C8orf76: variants seen among roughly 807,000 people sequenced by gnomAD.
The protein encoded by C8orf76 is uncharacterized protein C8orf76.
C8orf76 carries 46 observed loss-of-function variants against 38.1 expected under a neutral mutation model. That is an observed-to-expected ratio of 1.21 (90% CI 0.95 to 1.54). The LOEUF is 1.54. Ranked by LOEUF, C8orf76 falls within the 40% of genes most tolerant of loss-of-function variation. The pLI is 0.00. For missense variants in C8orf76, 461 were observed against 441.6 expected (o/e 1.04, Z -0.39); for synonymous variants, 166 against 167.5 (o/e 0.99, Z 0.07).
intron 5 of C8orf76, 97 bp downstream of exon 5, chr8:123,226,403 T>C: frequency 1.3e-6 from 2 of 1,544,646 alleles, no homozygotes; most frequent in South Asian, 1.2e-5. Flanking sequence ...AGTCCTTCAG[T>C]AGATTAAATT....
chr8:123,228,644 A>AACAC (rs377766243), intron 4 of C8orf76, among the ~76,000 whole-genome samples: 2 of 150,762 alleles, frequency 1.3e-5, no homozygotes, highest in African/African-American at 2.4e-5. Context: ...CAAAACCCAA[A>AACAC]ACACACACAC....
Position 123,220,128 on chromosome 8 carries a change from T to C in C8orf76, c.1118A>G (p.His373Arg). The C allele has an allele frequency of 4.3e-6, 7 of 1,611,768 alleles. No individual in the cohort carries two copies. Among genetic ancestry groups the C allele is most frequent in the Non-Finnish European group, 5.9e-6 (7 of 1,179,306 alleles). The change falls in exon 6 of 6, where the codon CAT becomes CGT. Residue 373 changes from histidine (H) to arginine (R), a missense_variant. Coordinates refer to ENST00000276704, the MANE Select transcript of C8orf76 (RefSeq NM_032847.3). ...DHFCPFENQFHTEIQILA is the reference protein window; with the variant it reads ...DHFCPFENQFRTEIQILA The stretch of plus-strand genomic sequence containing the variant: ...CTAAGCCAAGATTTGTATCTCTGTA[T>C]GGAACTGATTTTCAAATGGACAGAA...
At chr8:123,231,119 A>G (rs192594808) in intron 4 of C8orf76, among the ~76,000 whole-genome samples, 181 bp downstream of exon 4, 73 of 152,344 alleles carry the variant, frequency 4.8e-4, no homozygotes, top group Admixed American at 9.2e-4. Context: ...ATTCTTAAAC[A>G]AATGTAGTTT....
intron 3 of C8orf76, among the ~76,000 whole-genome samples, chr8:123,232,110 C>T (rs1825291861): frequency 6.6e-6 from 1 of 152,182 alleles, no homozygotes. Context: ...ATCTGAAAGA[C>T]CCAGCCACTT....
chr8:123,234,684 G>A (rs1286422492), intron 3 of C8orf76, among the ~76,000 whole-genome samples: 5 of 152,100 alleles, frequency 3.3e-5, no homozygotes, highest in African/African-American at 7.2e-5. Context: ...CAGGTGAATC[G>A]CTTGAACCCA....
At chr8:123,233,635 A>C (rs1825355381) in intron 3 of C8orf76, among the ~76,000 whole-genome samples, 1 of 151,176 alleles carries the variant, frequency 6.6e-6, no homozygotes, top group Non-Finnish European at 1.5e-5. Context: ...ACCTTCGCCC[A>C]CCTCGGCCTC....
intron 3 of C8orf76, chr8:123,236,895 T>A (rs1001692984): frequency 9.7e-7 from 1 of 1,026,248 alleles, no homozygotes; most frequent in Non-Finnish European, 1.5e-6. Flanking sequence ...ACCATCACCC[T>A]TGAGATCGAG....
At position 123,220,170 on chromosome 8, in the gene C8orf76, C is replaced by T; in HGVS notation, c.1076G>A (p.Arg359Lys). Residue 359 changes from arginine to lysine, a missense_variant, in exon 6 of 6, where the codon AGA becomes AAA. By Grantham distance (26) the Arg-to-Lys change is conservative. Coordinates refer to ENST00000276704, the MANE Select transcript of C8orf76 (RefSeq NM_032847.3). ...TGGACAGAAATGGTCTTTGATCTTT[C>T]TGAACCACTTGTCTTCAAATTCTTC... Reference protein sequence around the residue: ...SSEEFEDKWFRKIKDHFCPFE... With the variant: ...SSEEFEDKWFKKIKDHFCPFE... The T allele has an allele frequency of 6.2e-7, 1 of 1,614,048 alleles. No homozygotes were observed. The highest frequency in any genetic ancestry group is 8.5e-7 in the Non-Finnish European group (1 of 1,179,972).
At chr8:123,234,709 C>T (rs1255136008) in intron 3 of C8orf76, among the ~76,000 whole-genome samples, 2 of 152,042 alleles carry the variant, frequency 1.3e-5, no homozygotes, top group Non-Finnish European at 2.9e-5. Context: ...GCGGAGGTTG[C>T]AGTGAGCCAA....
intron 5 of C8orf76, among the ~76,000 whole-genome samples, chr8:123,225,785 C>A (rs142905514): frequency 6.6e-6 from 1 of 151,962 alleles, no homozygotes; most frequent in South Asian, 2.1e-4. Context: ...ATTAGCAGGG[C>A]GTGGTGGCAC....
chr8:123,230,481 A>G (rs1246584076), intron 4 of C8orf76, among the ~76,000 whole-genome samples: 1 of 152,172 alleles, frequency 6.6e-6, no homozygotes, highest in Admixed American at 6.5e-5. Flanking sequence ...TTGGACAATG[A>G]CACAGGTTAT....
At chr8:123,222,276 G>A (rs568848447) in intron 5 of C8orf76, among the ~76,000 whole-genome samples, 19 of 152,330 alleles carry the variant, frequency 1.2e-4, no homozygotes, top group Non-Finnish European at 1.9e-4. Context: ...GCGCCACCGC[G>A]CCCGGCAGGC....
chr8:123,231,842 A>G, intron 3 of C8orf76, 85 bp from the exon 4 acceptor site: 1 of 1,373,492 alleles, frequency 7.3e-7, no homozygotes, highest in Non-Finnish European at 9.7e-7. Flanking sequence ...ACCAAGTTGT[A>G]TATGTTATAA....
Position 123,224,245 on chromosome 8 carries a change from G to A in C8orf76, c.948+2255C>T, listed in dbSNP as rs1025339081. Among the ~76,000 whole-genome samples the A allele has an allele frequency of 4.2e-4, 64 of 151,514 alleles. 1 individual carries two copies. The highest frequency in any genetic ancestry group is 8.2e-4 in the Non-Finnish European group (56 of 67,884). On this transcript the variant is annotated intron_variant, in intron 5 of 5. Coordinates refer to ENST00000276704, the MANE Select transcript of C8orf76 (RefSeq NM_032847.3). ...ATTCAAATAAAAGAATTACAAACAG[G>A]AAAAAAAAGCATGTGATCATAGAAT...
intron 4 of C8orf76, among the ~76,000 whole-genome samples, chr8:123,228,806 G>A (rs1825136425): frequency 1.3e-5 from 2 of 152,192 alleles, no homozygotes; most frequent in South Asian, 4.1e-4. Context: ...TTTACCAAAT[G>A]CCTACTACAT....
At chr8:123,241,144 G>C in intron 1 of C8orf76, 86 bp downstream of exon 1, 1 of 1,357,918 alleles carries the variant, frequency 7.4e-7, no homozygotes, top group Non-Finnish European at 9.6e-7. Context: ...CGTTCGCGCG[G>C]ACGGAGGGGC....
chr8:123,232,075 T>C (rs1779643231), intron 3 of C8orf76, among the ~76,000 whole-genome samples: 1 of 152,258 alleles, frequency 6.6e-6, no homozygotes. Context: ...ATTTTTATTA[T>C]AATCTTTACT....
intron 1 of C8orf76, among the ~76,000 whole-genome samples, chr8:123,240,940 C>T (rs1708697901): frequency 6.6e-6 from 1 of 152,164 alleles, no homozygotes; most frequent in Admixed American, 6.5e-5. Flanking sequence ...CGGGAGGTAC[C>T]GGAGATTGCA....
intron 5 of C8orf76, among the ~76,000 whole-genome samples, chr8:123,224,748 A>G (rs1824984106): frequency 6.6e-6 from 1 of 152,246 alleles, no homozygotes; most frequent in African/African-American, 2.4e-5. Context: ...CTACTCTTCC[A>G]CCCAACCAAC....
Sources: gnomAD v4.1 joint callset for allele counts (sites outside exome capture counted in the v4.1 genomes callset) on GRCh38, gnomAD v4.1.1 for gene constraint, MANE v1.5 for transcripts, NCBI Gene and HGNC (gene_info 2026-07-23, HGNC 2026-07-21) for gene names.